Variants in PUM1 observed in about 807,000 individuals in gnomAD.
PUM1 encodes pumilio RNA binding family member 1.
Under a neutral mutation model 131.8 loss-of-function variants are expected in PUM1, and 13 were observed. The observed-to-expected ratio is 0.10, with a 90% confidence interval of 0.06 to 0.16. The LOEUF is 0.16. Ranked by LOEUF, PUM1 falls within the 10% of genes least tolerant of loss-of-function variation. PUM1 has a pLI of 1.00. For missense variants in PUM1, 961 were observed against 1,512.4 expected, an observed-to-expected ratio of 0.64 and a Z score of 6.05; for synonymous variants, 509 against 556.5, an observed-to-expected ratio of 0.91 and a Z score of 1.20.
chr1:31,053,242 C>T (rs1394404831), intron 2 of PUM1, among the ~76,000 whole-genome samples: 1 of 151,374 alleles, frequency 6.6e-6, no homozygotes, highest in Non-Finnish European at 1.5e-5. Flanking sequence ...CCTCGTGATC[C>T]ACCTGCCTCA....
At chr1:30,944,295 C>T (rs1639580337) in intron 18 of PUM1, among the ~76,000 whole-genome samples, 1 of 152,112 alleles carries the variant, frequency 6.6e-6, no homozygotes, top group Admixed American at 6.6e-5. Flanking sequence ...ATTTTTCCCC[C>T]TTCCCTAAAG....
chr1:31,042,891 T>C (rs1643866142), intron 2 of PUM1, among the ~76,000 whole-genome samples: 1 of 152,000 alleles, frequency 6.6e-6, no homozygotes, highest in Non-Finnish European at 1.5e-5. Context: ...CACCAGATGA[T>C]TTTTCTTTTT....
intron 2 of PUM1, among the ~76,000 whole-genome samples, chr1:31,044,772 C>T (rs1011490394): frequency 6.6e-6 from 1 of 151,906 alleles, no homozygotes; most frequent in African/African-American, 2.4e-5. Context: ...CCGCCTCAGG[C>T]TCCAGCCCAG....
intron 3 of PUM1, among the ~76,000 whole-genome samples, chr1:31,022,251 T>C (rs1643055051): frequency 6.6e-6 from 1 of 152,228 alleles, no homozygotes; most frequent in Non-Finnish European, 1.5e-5. Context: ...GATCATTATA[T>C]TGAAAAGTGT....
chr1:30,934,474 G>C (rs1441989707), intron 21 of PUM1, among the ~76,000 whole-genome samples: 1 of 152,138 alleles, frequency 6.6e-6, no homozygotes, highest in East Asian at 1.9e-4. Context: ...ATCCGGTCTA[G>C]AAATCACCTG....
At chr1:31,043,958 G>C (rs771605141) in intron 2 of PUM1, among the ~76,000 whole-genome samples, 15 of 151,850 alleles carry the variant, frequency 9.9e-5, no homozygotes, top group African/African-American at 1.7e-4. Context: ...TCAAACCTGA[G>C]AAATGAAAGC....
At chr1:30,941,009 G>A in intron 20 of PUM1, 142 bp downstream of exon 20, 1 of 999,802 alleles carries the variant, frequency 1.0e-6, no homozygotes, top group Non-Finnish European at 1.4e-6. Flanking sequence ...TTTATACTTT[G>A]TAATAAAACT....
intron 3 of PUM1, among the ~76,000 whole-genome samples, chr1:31,021,853 C>T (rs74063616): frequency 0.025 from 3,799 of 151,772 alleles, 175 homozygotes; most frequent in African/African-American, 0.087. Context: ...ATGCAGAAAC[C>T]AACCAGAAAA....
At chr1:31,046,692 G>C (rs562018086) in intron 2 of PUM1, among the ~76,000 whole-genome samples, 4 of 151,506 alleles carry the variant, frequency 2.6e-5, no homozygotes, top group Non-Finnish European at 5.9e-5. Flanking sequence ...GTCTGGTCTC[G>C]AACTCCTAAC....
At chr1:30,983,572 C>T (rs1048569963) in intron 7 of PUM1, among the ~76,000 whole-genome samples, 1 of 152,094 alleles carries the variant, frequency 6.6e-6, no homozygotes, top group African/African-American at 2.4e-5. Flanking sequence ...AGTCCACTGC[C>T]ATTCCATCTG....
intron 2 of PUM1, among the ~76,000 whole-genome samples, chr1:31,031,599 G>C (rs1224838887): frequency 6.6e-6 from 1 of 152,170 alleles, no homozygotes; most frequent in Non-Finnish European, 1.5e-5. Context: ...GGCCCTTTCT[G>C]TACCACCAAG....
intron 2 of PUM1, among the ~76,000 whole-genome samples, chr1:31,057,301 A>G (rs1644262332): frequency 6.6e-6 from 1 of 150,546 alleles, no homozygotes; most frequent in South Asian, 2.1e-4. Context: ...TACTCAGGAG[A>G]CTGAGGTGGG....
chr1:30,953,417 C>T (rs1397200033), intron 15 of PUM1, among the ~76,000 whole-genome samples: 1 of 152,118 alleles, frequency 6.6e-6, no homozygotes, highest in Non-Finnish European at 1.5e-5. Flanking sequence ...AGTGGAACAA[C>T]AAAGAAAGGT....
intron 2 of PUM1, among the ~76,000 whole-genome samples, chr1:31,051,452 C>T (rs558781191): frequency 9.1e-4 from 139 of 152,180 alleles, no homozygotes; most frequent in African/African-American, 3.3e-3. Flanking sequence ...TACAGGCGTG[C>T]GCCACCACGC....
chr1:31,040,483 T>A (rs1426561946), intron 2 of PUM1, among the ~76,000 whole-genome samples: 1 of 152,060 alleles, frequency 6.6e-6, no homozygotes, highest in Non-Finnish European at 1.5e-5. Flanking sequence ...GAAAACTACA[T>A]AAATAAAAAT....
chr1:31,022,603 T>A (rs563004113), intron 3 of PUM1, among the ~76,000 whole-genome samples: 162 of 152,284 alleles, frequency 1.1e-3, no homozygotes, highest in Non-Finnish European at 2.0e-3. Context: ...CCTTCTCCTA[T>A]CTCGTTCCTC....
Position 31,065,691 on chromosome 1 carries a change from T to G in PUM1, c.-87A>C. On this transcript the variant is annotated 5_prime_UTR_variant, in exon 1 of 22. Transcript: ENST00000426105. ...CTGGCGCTCTCGCTCCCCCTTACCT[T>G]TCACTCCGACAACATGGCGGCCCAC... 6.5e-7 allele frequency: 1 copy of G among 1,549,382 alleles called. No homozygotes were observed. Among genetic ancestry groups the G allele is most frequent in the Non-Finnish European group, 8.7e-7 (1 of 1,146,722 alleles).
At chr1:30,988,385 T>C (rs1046128214) in intron 7 of PUM1, among the ~76,000 whole-genome samples, 5 of 152,164 alleles carry the variant, frequency 3.3e-5, no homozygotes, top group South Asian at 2.1e-4. Flanking sequence ...AACCAGCTTA[T>C]TACACCAAAT....
At chr1:30,999,426 G>A (rs945234796) in intron 5 of PUM1, among the ~76,000 whole-genome samples, 5 of 151,872 alleles carry the variant, frequency 3.3e-5, no homozygotes, top group African/African-American at 4.8e-5. Context: ...GGCCAACAAG[G>A]TGAAACCCCA....
Sources: allele counts gnomAD v4.1 joint callset (sites outside exome capture counted in the v4.1 genomes callset), GRCh38; gene constraint gnomAD v4.1.1; transcripts MANE v1.5; gene names NCBI Gene and HGNC (gene_info 2026-07-23, HGNC 2026-07-21).